Variants in FAAH observed in about 807,000 individuals in gnomAD.
FAAH encodes fatty acid amide hydrolase.
FAAH carries 63 observed loss-of-function variants against 69.7 expected under a neutral mutation model. The observed-to-expected ratio is 0.90, with a 90% CI of 0.74 to 1.12. The LOEUF is 1.12. FAAH is among the 50% of genes most tolerant of loss of function. The pLI is 0.00. For missense variants in FAAH, 680 were observed against 755.0 expected, an observed-to-expected ratio of 0.90 and a Z score of 1.16; for synonymous variants, 305 against 324.2, an observed-to-expected ratio of 0.94 and a Z score of 0.64.
At position 46,405,637 on chromosome 1, in the gene FAAH, T is replaced by G; in HGVS notation, c.628T>G (p.Ser210Ala). 1 of 1,613,484 alleles carries G rather than the reference T, an allele frequency of 6.2e-7. No individual in the cohort carries two copies. The highest frequency in any genetic ancestry group is 1.3e-5 in the African/African-American group (1 of 75,044). The change falls in exon 5 of 15, where the codon TCC becomes GCC. Residue 210 changes from serine to alanine, a missense_variant. By Grantham distance (99) the Ser-to-Ala change is moderately conservative. Transcript: ENST00000243167. The surrounding 1 kb of genome is among the most constrained non-coding windows in gnomAD (Gnocchi z 4.1). Reference protein sequence around the residue: ...LFGQTVNPWKSSKSPGGSSGG... With the variant: ...LFGQTVNPWKASKSPGGSSGG... ...TGGCCAGACCGTGAACCCATGGAAGTCCTCCAAAAGCCCAGGGGGCTCCTC... is the reference window on the plus strand; with the variant it reads ...TGGCCAGACCGTGAACCCATGGAAGGCCTCCAAAAGCCCAGGGGGCTCCTC...
chr1:46,409,502 C>A (rs1664862393), intron 9 of FAAH, among the ~76,000 whole-genome samples: 1 of 152,048 alleles, frequency 6.6e-6, no homozygotes, highest in African/African-American at 2.4e-5. Context: ...GGGCCAAGGG[C>A]AGGATCCAGG....
At position 46,394,451 on chromosome 1, in the gene FAAH, C is replaced by T. The variant is rs1295514827; in HGVS notation, c.103C>T (p.Arg35Trp). Residue 35 changes from arginine (R) to tryptophan (W), a missense_variant, in exon 1 of 15, where the codon CGG becomes TGG. Physicochemically the swap from Arg to Trp is moderately radical, Grantham distance 101. Coordinates refer to ENST00000243167, the MANE Select transcript of FAAH (RefSeq NM_001441.3). ...AAVALRWSGR[R>W]TARGAVVRAR... is the part of the protein sequence containing the mutation. The stretch of plus-strand genomic sequence containing the variant: ...CGTGGCCCTGCGCTGGTCCGGGCGC[C>T]GGACGGCGCGGGGCGCGGTGGTCCG... The T allele has an allele frequency of 2.2e-6, 3 of 1,376,326 alleles. No individual in the cohort carries two copies. The highest frequency in any genetic ancestry group is 3.5e-5 in the South Asian group (2 of 57,578). The allele number at this position is 1,376,326 out of a possible 1,614,324, so 85.3% of individuals were successfully genotyped here. A position where few individuals can be genotyped will look rare whatever the true frequency, so the allele number is the denominator to read the frequency against.
chr1:46,397,381 ATT>A (rs1664615072), intron 1 of FAAH, among the ~76,000 whole-genome samples: 1 of 152,162 alleles, frequency 6.6e-6, no homozygotes, highest in African/African-American at 2.4e-5. Context: ...TTACGAACAG[ATT>A]ATTCCAGGAC....
intron 7 of FAAH, among the ~76,000 whole-genome samples, chr1:46,406,683 C>T (rs1664804357): frequency 6.7e-6 from 1 of 148,964 alleles, no homozygotes; most frequent in African/African-American, 2.5e-5. Flanking sequence ...CCCGGGTTCA[C>T]GCCATTCTCC....
intron 13 of FAAH, among the ~76,000 whole-genome samples, 170 bp from the exon 14 acceptor site, chr1:46,412,905 C>T (rs1303983405): frequency 2.0e-5 from 3 of 152,178 alleles, no homozygotes; most frequent in Non-Finnish European, 2.9e-5. Context: ...TTGTCCAGCC[C>T]GGCCCTGAAA....
chr1:46,394,570 G>C, intron 1 of FAAH, 27 bp downstream of exon 1: 1 of 1,330,832 alleles, frequency 7.5e-7, no homozygotes, highest in African/African-American at 1.5e-5. Context: ...AGTGGGATGG[G>C]CGCGGCCTGA....
In FAAH at chr1:46,405,876, G is replaced by T; in HGVS notation, c.785+82G>T. On this transcript the variant is annotated intron_variant, in intron 5 of 14. Transcript: ENST00000243167. The surrounding 1 kb of genome is among the most constrained non-coding windows in gnomAD (Gnocchi z 4.1). ...CCAACCTCTCTGGGCTCCAGGCGGG[G>T]ATTCGGTCTCCGGGGTTTTGCTGGG... 6.2e-7 allele frequency: 1 copy of T among 1,605,994 alleles called. No homozygotes were observed.
intron 2 of FAAH, among the ~76,000 whole-genome samples, chr1:46,403,363 C>G (rs754213468): frequency 3.9e-5 from 6 of 152,192 alleles, no homozygotes; most frequent in Non-Finnish European, 8.8e-5. Context: ...TCTGAAAGTG[C>G]TGGGATTACA....
At position 46,411,680 on chromosome 1, in the gene FAAH, G is replaced by C. The variant is rs1557762017; in HGVS notation, c.1356+29G>C. 1.2e-6 allele frequency: 2 copies of C among 1,613,240 alleles called. No individual in the cohort carries two copies. The highest frequency in any genetic ancestry group is 1.7e-6 in the Non-Finnish European group (2 of 1,179,532). On this transcript the variant is annotated intron_variant, in intron 12 of 14. Transcript: ENST00000243167. This position sits in a 1 kb window ranked among gnomAD's most constrained non-coding sequence, Gnocchi z 4.8. ...AGGCCAGAGCCTCTGGATTGGAGCAGGGTGGTGGGGGGAGGGTGGAGTTGG... is the reference window on the plus strand; with the variant it reads ...AGGCCAGAGCCTCTGGATTGGAGCACGGTGGTGGGGGGAGGGTGGAGTTGG...
rs1317306713 is a variant in FAAH at position 46,405,503 on chromosome 1, C to G, written c.576C>G (p.Phe192Leu). ...ACACCAATGTTCCACAGTCCATGTT[C>G]AGGTTGGGTCTTGGGGTGGGGCGGG... Reference protein sequence around the residue: ...FVHTNVPQSMFSYDCSNPLFG... With the variant: ...FVHTNVPQSMLSYDCSNPLFG... Residue 192 changes from phenylalanine (F) to leucine (L), a missense_variant and splice_region_variant, in exon 4 of 15, where the codon TTC becomes TTG. Transcript: ENST00000243167. This position sits in a 1 kb window ranked among gnomAD's most constrained non-coding sequence, Gnocchi z 4.1. 2 of 1,288,358 alleles carry G rather than the reference C, an allele frequency of 1.6e-6. No homozygotes were observed. Among genetic ancestry groups the G allele is most frequent in the Admixed American group, 4.1e-5 (2 of 48,990 alleles). The allele number at this position is 1,288,358 out of a possible 1,614,324, so 79.8% of individuals were successfully genotyped here. A position where few individuals can be genotyped will look rare whatever the true frequency, so the allele number is the denominator to read the frequency against.
At chr1:46,406,215 C>T in intron 6 of FAAH, 29 bp from the exon 7 acceptor site, 1 of 1,614,072 alleles carries the variant, frequency 6.2e-7, no homozygotes, top group Non-Finnish European at 8.5e-7. Flanking sequence ...TCCTTGTCTG[C>T]TTACCTCCCT....
chr1:46,401,040 A>AG (rs1468887752), intron 1 of FAAH, among the ~76,000 whole-genome samples: 3 of 424 alleles, frequency 7.1e-3, no homozygotes, highest in Non-Finnish European at 0.01. Context: ...AGAGGGGAGG[A>AG]GGGAAACCAG....
Position 46,413,498 on chromosome 1 carries a change from C to T in FAAH, c.1663C>T (p.Pro555Ser). 6.2e-7 allele frequency: 1 copy of T among 1,614,112 alleles called. No homozygotes were observed. Among genetic ancestry groups the T allele is most frequent in the South Asian group, 1.1e-5 (1 of 91,090 alleles). The stretch of plus-strand genomic sequence containing the variant: ...GGTGGCCGTGCAGTGTGTGGCTCTG[C>T]CCTGGCAAGAAGAGTTGTGTCTGCG... ...LPVAVQCVALPWQEELCLRFM... is the reference protein window; with the variant it reads ...LPVAVQCVALSWQEELCLRFM... The change falls in exon 15 of 15, where the codon CCC (proline) becomes TCC (serine). Residue 555 changes from proline to serine, a missense_variant. Coordinates refer to ENST00000243167, the MANE Select transcript of FAAH (RefSeq NM_001441.3).
At position 46,412,249 on chromosome 1, in the gene FAAH, C is replaced by G; in HGVS notation, c.1463C>G (p.Thr488Arg). ...ALDLNAPGRA[T>R]GAVSYTMLYN... ...GACTTGAATGCCCCAGGCAGGGCCA[C>G]AGGTGAGGCCCGACACCCTGCCTGT... Residue 488 changes from threonine to arginine, a missense_variant and splice_region_variant, in exon 13 of 15, where the codon ACA becomes AGA. Transcript: ENST00000243167. The G allele has an allele frequency of 6.4e-7, 1 of 1,551,092 alleles. No homozygotes were observed. The highest frequency in any genetic ancestry group is 8.7e-7 in the Non-Finnish European group (1 of 1,146,348).
In FAAH at chr1:46,410,783, G is replaced by T; in HGVS notation, c.1276-31G>T. 6.2e-7 allele frequency: 1 copy of T among 1,614,148 alleles called. No homozygotes were observed. On this transcript the variant is annotated intron_variant, in intron 10 of 14. Coordinates refer to ENST00000243167, the MANE Select transcript of FAAH (RefSeq NM_001441.3). This position sits in a 1 kb window ranked among gnomAD's most constrained non-coding sequence, Gnocchi z 4.9. ...TTGACGTCTGCCGTGGCCCAGAGCT[G>T]AGTCACCGACCCTGCGTCTGTCCTG...
In FAAH at chr1:46,405,916, T is replaced by G; in HGVS notation, c.785+122T>G. 1 of 1,611,144 alleles carries G rather than the reference T, an allele frequency of 6.2e-7. No individual in the cohort carries two copies. Among genetic ancestry groups the G allele is most frequent in the East Asian group, 2.2e-5 (1 of 44,874 alleles). On this transcript the variant is annotated intron_variant, in intron 5 of 14. Coordinates refer to ENST00000243167, the MANE Select transcript of FAAH (RefSeq NM_001441.3). The surrounding 1 kb of genome is among the most constrained non-coding windows in gnomAD (Gnocchi z 4.1). ...GTTTTGCTGGGAGGAAGCATTACAG[T>G]ACCACTGGCCGGGCGTGGGTCCTAG...
Position 46,405,541 on chromosome 1 carries a change from C to T in FAAH, c.578+36C>T, listed in dbSNP as rs202078709. ...GGGGTGGGGCGGGGCGGGGCAGGGG[C>T]ACCGGTCCCAGCATGGCACGGGCTG... On this transcript the variant is annotated intron_variant, in intron 4 of 14. Coordinates refer to ENST00000243167, the MANE Select transcript of FAAH (RefSeq NM_001441.3). This position sits in a 1 kb window ranked among gnomAD's most constrained non-coding sequence, Gnocchi z 4.1. 4 of 1,612,744 alleles carry T rather than the reference C, an allele frequency of 2.5e-6. No individual in the cohort carries two copies. Among genetic ancestry groups the T allele is most frequent in the Non-Finnish European group, 3.4e-6 (4 of 1,179,982 alleles).
In FAAH at chr1:46,394,524, C is replaced by A. The variant is rs1347124296; in HGVS notation, c.176C>A (p.Ala59Glu). The change falls in exon 1 of 15, where the codon GCG becomes GAG. Residue 59 changes from alanine to glutamate, a missense_variant. Physicochemically the swap from Ala to Glu is moderately radical, Grantham distance 107 (BLOSUM62 -1). Coordinates refer to ENST00000243167, the MANE Select transcript of FAAH (RefSeq NM_001441.3). Reference protein sequence around the residue: ...RAGLENMDRAAQRFRLQNPDL... With the variant: ...RAGLENMDRAEQRFRLQNPDL... ...GGCCTGGAGAACATGGACAGGGCGG[C>A]GCAGCGCTTCCGGCTCCAGGTGACT... is the stretch of plus-strand genomic sequence containing the variant. 2 of 1,374,492 alleles carry A rather than the reference C, an allele frequency of 1.5e-6. No individual in the cohort carries two copies. The highest frequency in any genetic ancestry group is 1.9e-6 in the Non-Finnish European group (2 of 1,070,476). 85.1% of individuals were successfully genotyped at this position (1,374,492 alleles called of 1,614,324 possible).
In FAAH at chr1:46,411,014, G is replaced by C; in HGVS notation, c.1316+160G>C. The C allele has an allele frequency of 1.2e-6, 1 of 833,098 alleles. No homozygotes were observed. Among genetic ancestry groups the C allele is most frequent in the Non-Finnish European group, 2.0e-6 (1 of 493,246 alleles). The allele number at this position is 833,098 out of a possible 1,614,324, so 51.6% of individuals were successfully genotyped here. ...CTTTGTGGCCTTCAGATGGGACTTT[G>C]AAGTTGTCTTGGCAAGGTCCAGTTC... is the stretch of plus-strand genomic sequence containing the variant. On this transcript the variant is annotated intron_variant, in intron 11 of 14. Coordinates refer to ENST00000243167, the MANE Select transcript of FAAH (RefSeq NM_001441.3). The surrounding 1 kb of genome is among the most constrained non-coding windows in gnomAD (Gnocchi z 4.8).
Sources: gnomAD v4.1 joint callset for allele counts (sites outside exome capture counted in the v4.1 genomes callset) on GRCh38, gnomAD v4.1.1 for gene constraint, Gnocchi (gnomAD v3.1) non-coding constraint, MANE v1.5 for transcripts, NCBI Gene and HGNC (gene_info 2026-07-23, HGNC 2026-07-21) for gene names.